LATS2: variants seen among roughly 807,000 people sequenced by gnomAD.
The protein encoded by LATS2 is serine/threonine-protein kinase LATS2.
LATS2 carries 24 observed loss-of-function variants against 76.0 expected under a neutral mutation model. The ratio of observed to expected loss-of-function variants is 0.32; its 90% confidence interval spans 0.23 to 0.44. LATS2 has a LOEUF of 0.44. Among genes scored for constraint, LATS2 ranks in the 20% least tolerant of loss-of-function variants. The pLI is 1.00. For missense variants in LATS2, 1,286 were observed against 1,481.2 expected (o/e 0.87, Z 2.16); for synonymous variants, 692 against 635.4 (o/e 1.09, Z -1.34).
At chr13:21,035,659 T>C (rs1011665945) in intron 2 of LATS2, among the ~76,000 whole-genome samples, 1 of 152,196 alleles carries the variant, frequency 6.6e-6, no homozygotes, top group Non-Finnish European at 1.5e-5. Flanking sequence ...AAGTGAACAA[T>C]ATTTATGATC....
chr13:21,050,043 C>G (rs1431580917), intron 1 of LATS2, among the ~76,000 whole-genome samples: 4 of 151,904 alleles, frequency 2.6e-5, no homozygotes, highest in African/African-American at 7.3e-5. Flanking sequence ...TCCCTTGAAT[C>G]CAGGAGGTGC....
intron 1 of LATS2, among the ~76,000 whole-genome samples, chr13:21,060,116 CG>C (rs1405735409): frequency 6.6e-6 from 1 of 152,200 alleles, no homozygotes; most frequent in Admixed American, 6.5e-5. Context: ...GCGCCCTGGT[CG>C]GGTGGGTTTT....
chr13:21,024,485 G>A (rs1872224912), intron 2 of LATS2, among the ~76,000 whole-genome samples: 1 of 151,832 alleles, frequency 6.6e-6, no homozygotes, highest in African/African-American at 2.4e-5. Context: ...CCCTTTTTAG[G>A]TTGGCTGGAC....
chr13:21,046,084 A>T lies in LATS2; in HGVS notation c.-58T>A, dbSNP rs115723063. ...ATCTTCTTAAAGTGTTTTATTATTT[A>T]AAAAAAAAAACTGTCAATAGTATCA... On this transcript the variant is annotated 5_prime_UTR_variant, in exon 2 of 8. Transcript: ENST00000382592. 6.2e-4 allele frequency: 570 copies of T among 914,592 alleles called. No homozygotes were observed. Among genetic ancestry groups the T allele is most frequent in the African/African-American group, 2.1e-3 (104 of 49,340 alleles). The allele number at this position is 914,592 out of a possible 1,614,324, so 56.7% of individuals were successfully genotyped here.
intron 1 of LATS2, among the ~76,000 whole-genome samples, 170 bp downstream of exon 1, chr13:21,061,176 G>T (rs1044442497): frequency 2.0e-5 from 3 of 150,934 alleles, no homozygotes; most frequent in African/African-American, 7.3e-5. Flanking sequence ...GACCGTGGGG[G>T]CAGGGCGCAG....
chr13:21,004,947 G>A (rs147892150), intron 2 of LATS2, among the ~76,000 whole-genome samples: 14 of 152,330 alleles, frequency 9.2e-5, no homozygotes, highest in African/African-American at 3.4e-4. Flanking sequence ...CCAAGGGACA[G>A]AGACCAGCCC....
chr13:20,991,509 C>G lies in LATS2; in HGVS notation c.343-105G>C, dbSNP rs373724424. 67 of 1,313,534 alleles carry G rather than the reference C, an allele frequency of 5.1e-5. No homozygotes were observed. The African/African-American group carries it at 7.8e-4, about 15-fold the overall frequency. The allele number at this position is 1,313,534 out of a possible 1,614,324, so 81.4% of individuals were successfully genotyped here. A position where few individuals can be genotyped will look rare whatever the true frequency, so the allele number is the denominator to read the frequency against. ...TGGACTGTGCTGGGACACTTCGCCT[C>G]TGTACTGCTGAGAACCTGCGATATG... is the stretch of plus-strand genomic sequence containing the variant. On this transcript the variant is annotated intron_variant, in intron 2 of 7. Coordinates refer to ENST00000382592, the MANE Select transcript of LATS2 (RefSeq NM_014572.3). This position sits in a 1 kb window ranked among gnomAD's most constrained non-coding sequence, Gnocchi z 4.9.
At chr13:21,014,649 A>G (rs1871731031) in intron 2 of LATS2, among the ~76,000 whole-genome samples, 1 of 152,230 alleles carries the variant, frequency 6.6e-6, no homozygotes, top group Non-Finnish European at 1.5e-5. Context: ...ATTTCACTGA[A>G]GTGGAAAAAT....
intron 2 of LATS2, among the ~76,000 whole-genome samples, chr13:21,007,697 ATAGTATGTATATATATATATATATAG>A (rs1565952288): frequency 0.059 from 50 of 846 alleles, 15 homozygotes; most frequent in African/African-American, 0.081. Context: ...ATATATATAT[ATAGTATGTATATATATATATATATAG>A]TATATATATA....
chr13:21,034,391 C>T (rs1283956309), intron 2 of LATS2, among the ~76,000 whole-genome samples: 2 of 152,158 alleles, frequency 1.3e-5, no homozygotes, highest in African/African-American at 4.8e-5. Flanking sequence ...TGCTTAAACC[C>T]CCATGACCAA....
intron 6 of LATS2, among the ~76,000 whole-genome samples, chr13:20,981,072 A>G (rs1357731001): frequency 6.6e-6 from 1 of 152,230 alleles, no homozygotes; most frequent in East Asian, 1.9e-4. Flanking sequence ...TGCACACGGC[A>G]CAACTCAGCC....
chr13:21,049,734 C>T (rs1395575656), intron 1 of LATS2, among the ~76,000 whole-genome samples: 2 of 152,174 alleles, frequency 1.3e-5, no homozygotes, highest in African/African-American at 2.4e-5. Flanking sequence ...TCCTCTCCCC[C>T]ATCACATGAG....
chr13:21,040,557 CAT>C (rs369339596), intron 2 of LATS2, among the ~76,000 whole-genome samples: 11 of 152,288 alleles, frequency 7.2e-5, no homozygotes, highest in African/African-American at 2.4e-4. Context: ...CCAACGAAAT[CAT>C]ATGTCAGAGA....
At chr13:21,012,863 G>A (rs765731914) in intron 2 of LATS2, among the ~76,000 whole-genome samples, 10 of 152,034 alleles carry the variant, frequency 6.6e-5, no homozygotes, top group Non-Finnish European at 1.5e-4. Context: ...AAATAGATTA[G>A]CTTTTTACCT....
chr13:21,048,008 G>A (rs999145392), intron 1 of LATS2, among the ~76,000 whole-genome samples: 1 of 152,194 alleles, frequency 6.6e-6, no homozygotes, highest in African/African-American at 2.4e-5. Flanking sequence ...TGAAATGACT[G>A]TAAGACTGTG....
chr13:21,014,473 C>A (rs1871721439), intron 2 of LATS2, among the ~76,000 whole-genome samples: 1 of 152,186 alleles, frequency 6.6e-6, no homozygotes, highest in Non-Finnish European at 1.5e-5. Flanking sequence ...GGCTAAGGAA[C>A]TGCCATAAAG....
At chr13:21,005,690 G>C (rs1205689926) in intron 2 of LATS2, 1 of 152,106 alleles carries the variant, frequency 6.6e-6, no homozygotes, top group Non-Finnish European at 1.5e-5. Flanking sequence ...TGTAATCCCA[G>C]TGCTTTGGGA....
Position 20,988,429 on chromosome 13 carries a change from T to C in LATS2, c.1351A>G (p.Arg451Gly). Residue 451 changes from arginine (R) to glycine (G), a missense_variant, in exon 4 of 8, where the codon AGG becomes GGG. Coordinates refer to ENST00000382592, the MANE Select transcript of LATS2 (RefSeq NM_014572.3). The stretch of plus-strand genomic sequence containing the variant: ...CCCACAGCCGTCTGCGGCTCCGGCC[T>C]CAGCACACGCACGCTCTTCACCGGG... ...LHPVKSVRVL[R>G]PEPQTAVGPS... The C allele has an allele frequency of 6.8e-7, 1 of 1,474,122 alleles. No homozygotes were observed. The highest frequency in any genetic ancestry group is 8.9e-7 in the Non-Finnish European group (1 of 1,120,944). 91.3% of individuals were successfully genotyped at this position (1,474,122 alleles called of 1,614,324 possible).
intron 2 of LATS2, among the ~76,000 whole-genome samples, chr13:20,997,314 T>C (rs1002111940): frequency 3.3e-5 from 5 of 152,236 alleles, no homozygotes; most frequent in African/African-American, 1.2e-4. Context: ...GTCAACAAAT[T>C]GATGTTCGCT....
Sources: allele counts gnomAD v4.1 joint callset (sites outside exome capture counted in the v4.1 genomes callset), GRCh38; gene constraint gnomAD v4.1.1; non-coding constraint Gnocchi (gnomAD v3.1); transcripts MANE v1.5; gene names NCBI Gene and HGNC (gene_info 2026-07-23, HGNC 2026-07-21).